The following ZSCAN25 variants were observed in gnomAD, a reference collection of about 807,000 sequenced individuals.
ZSCAN25 encodes zinc finger and SCAN domain-containing protein 25.
Under a neutral mutation model 38.7 loss-of-function variants are expected in ZSCAN25, and 27 were observed. The ratio of observed to expected loss-of-function variants is 0.70; its 90% confidence interval spans 0.51 to 0.96. The LOEUF (loss-of-function observed/expected upper bound fraction) is 0.96, where lower values mean the gene tolerates loss of function less well. ZSCAN25 is among the 40% of genes least tolerant of loss of function. ZSCAN25 has a pLI of 0.00. For missense variants in ZSCAN25, 637 were observed against 705.9 expected, an observed-to-expected ratio of 0.90 and a Z score of 1.11; for synonymous variants, 273 against 277.7, an observed-to-expected ratio of 0.98 and a Z score of 0.17.
At chr7:99,720,367 G>T in the ZSCAN25 span, 1 of 1,613,746 alleles carries the variant, frequency 6.2e-7, no homozygotes, top group Non-Finnish European at 8.5e-7. Context: ...TTTTGATCAT[G>T]TCGGGATCTG....
chr7:99,719,529 A>G, the ZSCAN25 span, among the ~76,000 whole-genome samples: 1 of 152,238 alleles, frequency 6.6e-6, no homozygotes, highest in Non-Finnish European at 1.5e-5. Flanking sequence ...GACTTTTAGA[A>G]AAATTGGCAA....
chr7:99,656,967 C>T, the ZSCAN25 span, among the ~76,000 whole-genome samples: 9 of 152,160 alleles, frequency 5.9e-5, no homozygotes, highest in African/African-American at 9.6e-5. Context: ...TGATTCTTCT[C>T]TCTTTTCTTC....
At chr7:99,683,879 T>G in the ZSCAN25 span, among the ~76,000 whole-genome samples, 2 of 152,066 alleles carry the variant, frequency 1.3e-5, no homozygotes, top group Admixed American at 1.3e-4. Context: ...CTAATGACTT[T>G]AGGATAAGTT....
chr7:99,733,200 C>A, the ZSCAN25 span, among the ~76,000 whole-genome samples: 5 of 152,210 alleles, frequency 3.3e-5, 1 homozygote, highest in African/African-American at 1.2e-4. Flanking sequence ...CATGGAAAAT[C>A]AATGGCACTA....
the ZSCAN25 span, among the ~76,000 whole-genome samples, chr7:99,733,706 T>G: frequency 6.6e-6 from 1 of 152,104 alleles, no homozygotes; most frequent in Admixed American, 6.5e-5. Context: ...CCAGGACCCA[T>G]GAATATCTAT....
At chr7:99,666,900 TC>T in the ZSCAN25 span, 2 of 1,605,532 alleles carry the variant, frequency 1.2e-6, no homozygotes, top group Non-Finnish European at 1.7e-6. Flanking sequence ...TTTCTACCTG[TC>T]CCCAGATTCA....
the ZSCAN25 span, among the ~76,000 whole-genome samples, chr7:99,701,225 T>C: frequency 6.6e-6 from 1 of 152,208 alleles, no homozygotes; most frequent in Admixed American, 6.5e-5. Flanking sequence ...GTGCCTGGCT[T>C]ATTTTACCTA....
At chr7:99,675,113 GA>G in the ZSCAN25 span, among the ~76,000 whole-genome samples, 142 of 152,346 alleles carry the variant, frequency 9.3e-4, no homozygotes, top group Non-Finnish European at 1.7e-3. Context: ...GCATGTTGTT[GA>G]GTGAGAAAGT....
the ZSCAN25 span, among the ~76,000 whole-genome samples, chr7:99,732,786 A>G: frequency 9.2e-5 from 14 of 152,334 alleles, no homozygotes; most frequent in Non-Finnish European, 1.9e-4. Flanking sequence ...AAATGGATCC[A>G]TATGCCTCAT....
At chr7:99,677,365 A>G in the ZSCAN25 span, 11 of 491,376 alleles carry the variant, frequency 2.2e-5, no homozygotes, top group Non-Finnish European at 2.9e-5. Flanking sequence ...GATGATGTGC[A>G]TAAAAGAATC....
chr7:99,726,985 G>T, the ZSCAN25 span, among the ~76,000 whole-genome samples: 7 of 152,116 alleles, frequency 4.6e-5, no homozygotes, highest in East Asian at 1.2e-3. Context: ...GGATACTTTT[G>T]CCTTTGGATA....
chr7:99,666,891 T>G, the ZSCAN25 span: 4 of 1,603,624 alleles, frequency 2.5e-6, no homozygotes, highest in East Asian at 8.9e-5. Flanking sequence ...TGATCTTACT[T>G]TCTACCTGTC....
At chr7:99,662,810 G>C in the ZSCAN25 span, 1 of 1,613,258 alleles carries the variant, frequency 6.2e-7, no homozygotes. The surrounding 1 kb of genome is among the most constrained non-coding windows in gnomAD (Gnocchi z 4.3). Flanking sequence ...AGCACTCCTT[G>C]GTTACCTTTG....
At chr7:99,648,491 C>A in the ZSCAN25 span, 331 of 671,000 alleles carry the variant, frequency 4.9e-4, no homozygotes, top group Middle Eastern at 1.8e-3. Context: ...GACAAAAATG[C>A]TTTGCAAGCA....
the ZSCAN25 span, chr7:99,652,832 A>G: frequency 7.3e-7 from 1 of 1,375,492 alleles, no homozygotes; most frequent in Non-Finnish European, 1.0e-6. Context: ...TTAACTCTCA[A>G]CTGAGTCCAT....
chr7:99,697,754 G>A, the ZSCAN25 span, among the ~76,000 whole-genome samples: 1 of 152,202 alleles, frequency 6.6e-6, no homozygotes, highest in Non-Finnish European at 1.5e-5. Context: ...GATCCCAGCA[G>A]AGGCAGCATA....
the ZSCAN25 span, among the ~76,000 whole-genome samples, chr7:99,700,972 G>T: frequency 6.6e-6 from 1 of 152,202 alleles, no homozygotes; most frequent in South Asian, 2.1e-4. Context: ...TAACATACAT[G>T]AAGAGACTTA....
chr7:99,708,951 C>G, the ZSCAN25 span: 1 of 1,454,936 alleles, frequency 6.9e-7, no homozygotes, highest in Non-Finnish European at 9.6e-7. Flanking sequence ...AACGATTGTA[C>G]AAGCCCAGAC....
the ZSCAN25 span, among the ~76,000 whole-genome samples, chr7:99,723,311 T>C: frequency 3.9e-4 from 60 of 152,302 alleles, no homozygotes; most frequent in African/African-American, 1.4e-3. Context: ...GATCGATTGA[T>C]CGACCTCGTG....
Sources: allele counts gnomAD v4.1 joint callset (sites outside exome capture counted in the v4.1 genomes callset), GRCh38; gene constraint gnomAD v4.1.1; non-coding constraint Gnocchi (gnomAD v3.1); transcripts MANE v1.5; gene names NCBI Gene and HGNC (gene_info 2026-07-23, HGNC 2026-07-21).